STXBP4: variants seen among roughly 807,000 people sequenced by gnomAD.
STXBP4 encodes the protein syntaxin-binding protein 4.
STXBP4 carries 55 observed loss-of-function variants against 76.1 expected under a neutral mutation model. The ratio of observed to expected loss-of-function variants is 0.72; its 90% confidence interval spans 0.58 to 0.91. STXBP4 has a LOEUF of 0.91. Among genes scored for constraint, STXBP4 ranks in the 40% least tolerant of loss-of-function variants. The probability of loss-of-function intolerance (pLI) is 0.00; values close to 1 mark genes in which losing one functional copy is unlikely to be tolerated. For synonymous variants in STXBP4, 201 were observed against 220.2 expected (o/e 0.91, Z 0.77); for missense variants, 618 against 636.9 (o/e 0.97, Z 0.32).
chr17:55,010,733 T>C (rs1331757457), intron 8 of STXBP4, among the ~76,000 whole-genome samples: 1 of 152,184 alleles, frequency 6.6e-6, no homozygotes, highest in Admixed American at 6.5e-5. Flanking sequence ...TCAAGAAAAC[T>C]GTAGAGAGCA....
intron 12 of STXBP4, among the ~76,000 whole-genome samples, chr17:55,063,478 C>T (rs1380394433): frequency 1.3e-5 from 2 of 152,270 alleles, no homozygotes; most frequent in African/African-American, 4.8e-5. Flanking sequence ...ATACTATGAG[C>T]CACTTATTTT....
intron 8 of STXBP4, among the ~76,000 whole-genome samples, chr17:55,008,681 G>T (rs149057345): frequency 6.6e-6 from 1 of 152,248 alleles, no homozygotes. Context: ...GCATAGCAAG[G>T]CCTGTTTGTT....
chr17:55,036,958 A>C (rs2078614297), intron 10 of STXBP4, among the ~76,000 whole-genome samples: 1 of 152,102 alleles, frequency 6.6e-6, no homozygotes. Context: ...CTCATTTAAA[A>C]AATGATGCAT....
chr17:55,177,456 A>G (rs1390382275), downstream of STXBP4, among the ~76,000 whole-genome samples: 2 of 152,236 alleles, frequency 1.3e-5, no homozygotes, highest in Non-Finnish European at 2.9e-5. Context: ...AAGCACAGTC[A>G]TAATTCCAAA....
At chr17:55,175,724 C>A (rs369092717), downstream of STXBP4, among the ~76,000 whole-genome samples, 1 of 152,180 alleles carries the variant, frequency 6.6e-6, no homozygotes, top group Non-Finnish European at 1.5e-5. Context: ...GGATCAGGCA[C>A]CCTGCCAGAG....
At chr17:55,118,748 A>G (rs1420159617) in intron 16 of STXBP4, among the ~76,000 whole-genome samples, 1 of 151,872 alleles carries the variant, frequency 6.6e-6, no homozygotes, top group African/African-American at 2.4e-5. Context: ...TCAGAAAGAT[A>G]GAAGGAAAAT....
chr17:55,052,668 A>G (rs903786641), intron 12 of STXBP4, among the ~76,000 whole-genome samples: 1 of 152,136 alleles, frequency 6.6e-6, no homozygotes, highest in East Asian at 1.9e-4. Flanking sequence ...TAGCAGTTAT[A>G]CAGTGGAGAA....
intron 8 of STXBP4, among the ~76,000 whole-genome samples, chr17:55,028,647 C>G (rs1215654928): frequency 1.3e-5 from 2 of 152,108 alleles, no homozygotes; most frequent in African/African-American, 4.8e-5. Context: ...AGTAAAGATA[C>G]TTCTTAAAAC....
At chr17:55,126,850 A>T (rs1029554412) in intron 16 of STXBP4, among the ~76,000 whole-genome samples, 2 of 152,202 alleles carry the variant, frequency 1.3e-5, no homozygotes, top group Non-Finnish European at 2.9e-5. Flanking sequence ...CCAGGAAATA[A>T]CTCAGTGGAT....
At chr17:55,000,207 G>T in intron 6 of STXBP4, 1 of 985,236 alleles carries the variant, frequency 1.0e-6, no homozygotes. Context: ...CTTCCTTTTT[G>T]TTCCTTAGCT....
At chr17:55,179,949 C>T in the STXBP4 span, among the ~76,000 whole-genome samples, 5 of 152,158 alleles carry the variant, frequency 3.3e-5, no homozygotes, top group Non-Finnish European at 5.9e-5. Flanking sequence ...ATCTATACCA[C>T]AAAATATTCC....
chr17:55,075,466 TC>T (rs1338969808), intron 13 of STXBP4, among the ~76,000 whole-genome samples: 3 of 152,156 alleles, frequency 2.0e-5, no homozygotes, highest in Non-Finnish European at 4.4e-5. Flanking sequence ...TCTGTTCTCT[TC>T]TGTTATAAAT....
At chr17:55,103,706 C>G (rs1245079156) in intron 16 of STXBP4, among the ~76,000 whole-genome samples, 2 of 151,496 alleles carry the variant, frequency 1.3e-5, no homozygotes, top group Non-Finnish European at 2.9e-5. Flanking sequence ...AGCATTGAAT[C>G]TATAAGTTAC....
intron 16 of STXBP4, among the ~76,000 whole-genome samples, chr17:55,140,826 A>C (rs1184871070): frequency 1.3e-5 from 2 of 152,156 alleles, no homozygotes; most frequent in Non-Finnish European, 2.9e-5. Context: ...TTTCAAACTT[A>C]ATAAGGAATT....
chr17:55,062,983 A>C (rs1220556478), intron 12 of STXBP4, among the ~76,000 whole-genome samples: 1 of 152,228 alleles, frequency 6.6e-6, no homozygotes, highest in East Asian at 1.9e-4. Flanking sequence ...GAAACTTATT[A>C]AACAAACTTA....
intron 8 of STXBP4, among the ~76,000 whole-genome samples, chr17:55,029,325 T>A (rs2078466868): frequency 6.6e-6 from 1 of 152,024 alleles, no homozygotes; most frequent in African/African-American, 2.4e-5. Context: ...GTAGTAAATG[T>A]CATTAAATTA....
At position 55,169,341 on chromosome 17, in the gene STXBP4, T is replaced by C. The variant is rs944023126; in HGVS notation, c.*9430T>C. On this transcript the variant is annotated 3_prime_UTR_variant, in exon 18 of 18. Coordinates refer to ENST00000376352, the MANE Select transcript of STXBP4 (RefSeq NM_178509.6). The stretch of plus-strand genomic sequence containing the variant: ...CCAGAGAACCCAGAGTATTTATACC[T>C]CTGCACCATCAGTTATTGAATGGGG... The C allele has an allele frequency of 3.1e-5, 4 of 131,090 alleles. No individual in the cohort carries two copies. Among genetic ancestry groups the C allele is most frequent in the Non-Finnish European group, 6.3e-5 (4 of 63,442 alleles). 8.1% of individuals were successfully genotyped at this position (131,090 alleles called of 1,614,324 possible).
chr17:55,039,176 A>G (rs1171667734), intron 10 of STXBP4, among the ~76,000 whole-genome samples: 1 of 152,208 alleles, frequency 6.6e-6, no homozygotes, highest in African/African-American at 2.4e-5. Flanking sequence ...TGGCAAGGCC[A>G]TAAGAGTAAT....
Position 55,172,170 on chromosome 17 carries a change from A to G in STXBP4, c.*12259A>G, listed in dbSNP as rs1244916377. On this transcript the variant is annotated 3_prime_UTR_variant, in exon 18 of 18. Coordinates refer to ENST00000376352, the MANE Select transcript of STXBP4 (RefSeq NM_178509.6). Reference sequence around the variant, plus strand: ...TAGTAAGAACAAACTTCCAAGTGGCACCATCTTAAAGGTGCAAGCCCATGT... The same window carrying G: ...TAGTAAGAACAAACTTCCAAGTGGCGCCATCTTAAAGGTGCAAGCCCATGT... The G allele has an allele frequency of 2.6e-5, 4 of 152,198 alleles. No individual in the cohort carries two copies. Among genetic ancestry groups the G allele is most frequent in the Non-Finnish European group, 5.9e-5 (4 of 68,038 alleles). 9.4% of individuals were successfully genotyped at this position (152,198 alleles called of 1,614,324 possible). A position where few individuals can be genotyped will look rare whatever the true frequency, so the allele number is the denominator to read the frequency against.
Sources: allele counts gnomAD v4.1 joint callset (sites outside exome capture counted in the v4.1 genomes callset), GRCh38; gene constraint gnomAD v4.1.1; transcripts MANE v1.5; gene names NCBI Gene and HGNC (gene_info 2026-07-23, HGNC 2026-07-21).